Variants in POLA1 observed in about 807,000 individuals in gnomAD.
POLA1 encodes DNA polymerase alpha 1, catalytic subunit, also known as DNA polymerase alpha catalytic subunit.
Under a neutral mutation model 124.0 loss-of-function variants are expected in POLA1, and 15 were observed. The ratio of observed to expected loss-of-function variants is 0.12; its 90% CI spans 0.08 to 0.19. The LOEUF (loss-of-function observed/expected upper bound fraction) is 0.19. Among genes scored for constraint, POLA1 ranks in the 10% least tolerant of loss-of-function variants. The pLI, the probability that POLA1 is intolerant of heterozygous loss-of-function variation, is 1.00. For missense variants in POLA1, 886 were observed against 1,103.4 expected (o/e 0.80, Z 2.79); for synonymous variants, 408 against 389.4 (o/e 1.05, Z -0.56).
At chrX:24,965,002 G>A (rs1463502184) in intron 36 of POLA1, among the ~76,000 whole-genome samples, 1 of 111,527 alleles carries the variant, frequency 9.0e-6, no homozygotes, top group Non-Finnish European at 1.9e-5. Flanking sequence ...TAAGGACATC[G>A]GTGAATGGAC....
intron 36 of POLA1, among the ~76,000 whole-genome samples, chrX:24,955,123 GTTTGTTTTTGGTTTTTTTCTC>G (rs914684976): frequency 2.8e-5 from 3 of 106,579 alleles, no homozygotes; most frequent in Non-Finnish European, 3.9e-5. Flanking sequence ...TTTTTTGTTT[GTTTGTTTTTGGTTTTTTTCTC>G]TTTGTTTTTG....
At chrX:24,980,627 C>T (rs746498407) in intron 36 of POLA1, among the ~76,000 whole-genome samples, 1 of 109,844 alleles carries the variant, frequency 9.1e-6, no homozygotes, top group African/African-American at 3.3e-5. Context: ...CTAGTGTAAA[C>T]TAAAACATCA....
intron 26 of POLA1, among the ~76,000 whole-genome samples, chrX:24,772,417 G>A (rs1361653230): frequency 9.1e-6 from 1 of 109,929 alleles, no homozygotes; most frequent in Non-Finnish European, 1.9e-5. Context: ...AAGTTCATGA[G>A]TACATGTGCA....
intron 34 of POLA1, among the ~76,000 whole-genome samples, chrX:24,881,235 A>G (rs1230929914): frequency 8.9e-6 from 1 of 112,190 alleles, no homozygotes; most frequent in East Asian, 2.8e-4. Flanking sequence ...GCGTTTTGTA[A>G]TAACACCAGA....
chrX:24,865,158 C>T (rs2046776977), intron 34 of POLA1, among the ~76,000 whole-genome samples: 1 of 112,019 alleles, frequency 8.9e-6, no homozygotes, highest in African/African-American at 3.2e-5. Flanking sequence ...TGGCAATTTG[C>T]TTCCTAATCT....
chrX:24,937,397 T>A (rs1171352755), intron 36 of POLA1, among the ~76,000 whole-genome samples: 1 of 112,025 alleles, frequency 8.9e-6, no homozygotes, highest in Non-Finnish European at 1.9e-5. Flanking sequence ...TTATAGCTTT[T>A]CTTTTTCTTT....
intron 29 of POLA1, 103 bp downstream of exon 29, chrX:24,812,966 C>T: frequency 2.5e-6 from 1 of 407,983 alleles, no homozygotes. Context: ...AAGAACACTT[C>T]TTTGTTATTT....
chrX:24,935,813 C>T (rs1601887462), intron 36 of POLA1, among the ~76,000 whole-genome samples: 1 of 112,404 alleles, frequency 8.9e-6, no homozygotes, highest in Admixed American at 9.4e-5. Flanking sequence ...GTGTGTAACA[C>T]GAGTTCTCAC....
chrX:24,789,658 C>G (rs1330629154), intron 26 of POLA1, among the ~76,000 whole-genome samples: 1 of 111,239 alleles, frequency 9.0e-6, no homozygotes, highest in Non-Finnish European at 1.9e-5. Flanking sequence ...GAAGTAACAG[C>G]TTGTTATAAG....
intron 36 of POLA1, among the ~76,000 whole-genome samples, chrX:24,993,293 C>T (rs943545612): frequency 8.9e-6 from 1 of 111,914 alleles, no homozygotes; most frequent in East Asian, 2.8e-4. Flanking sequence ...GTGCTGGTGG[C>T]GGAGACAGCA....
chrX:24,900,524 A>C (rs766655612), intron 35 of POLA1, among the ~76,000 whole-genome samples: 22 of 112,204 alleles, frequency 2.0e-4, no homozygotes, highest in Non-Finnish European at 4.1e-4. Flanking sequence ...CAAACACTGA[A>C]ATTTTTCTTT....
At position 24,760,436 on chromosome X, in the gene POLA1, T is replaced by A. The variant is rs749576481; in HGVS notation, c.2964+11444T>A. ...TTTGAATCTGATGGTGTACAGGATG[T>A]TACCACACTGTCTCCTTATGTTAGC... On this transcript the variant is annotated intron_variant, in intron 26 of 36. Transcript: ENST00000379068. 3.5e-4 allele frequency among the ~76,000 whole-genome samples: 39 copies of A among 112,194 alleles called. No individual in the cohort carries two copies. In the South Asian group the frequency reaches 3.8e-3, roughly 11 times the overall value.
At chrX:24,801,255 G>GTAC (rs1170892030) in intron 26 of POLA1, among the ~76,000 whole-genome samples, 1 of 112,097 alleles carries the variant, frequency 8.9e-6, no homozygotes, top group Non-Finnish European at 1.9e-5. Context: ...ATTTAAATGT[G>GTAC]TACTGTGTGT....
chrX:24,870,656 C>A (rs968088081), intron 34 of POLA1, among the ~76,000 whole-genome samples: 3 of 111,558 alleles, frequency 2.7e-5, no homozygotes, highest in African/African-American at 9.8e-5. Flanking sequence ...AAACGAGGAG[C>A]CAAAGAGAAT....
intron 35 of POLA1, among the ~76,000 whole-genome samples, chrX:24,908,944 G>A (rs1424881370): frequency 6.3e-5 from 7 of 111,777 alleles, no homozygotes; most frequent in Non-Finnish European, 1.1e-4. Flanking sequence ...GTGTGAGATG[G>A]TATCTCATTG....
At position 24,717,562 on chromosome X, in the gene POLA1, A is replaced by C. The variant is rs200113214; in HGVS notation, c.909-18A>C. 1 of 1,205,910 alleles carries C rather than the reference A, an allele frequency of 8.3e-7. No homozygotes were observed. Among genetic ancestry groups the C allele is most frequent in the East Asian group, 3.0e-5 (1 of 33,750 alleles). ...TCTGTTGGATTTTGAAAGGTTTTTGAAAATGTGATTTCTGCAGAGGAAGTT... is the reference window on the plus strand; with the variant it reads ...TCTGTTGGATTTTGAAAGGTTTTTGCAAATGTGATTTCTGCAGAGGAAGTT... On this transcript the variant is annotated intron_variant, in intron 9 of 36. Coordinates refer to ENST00000379068, the MANE Select transcript of POLA1 (RefSeq NM_001330360.2).
intron 36 of POLA1, among the ~76,000 whole-genome samples, chrX:24,968,664 C>T (rs2048259778): frequency 1.0e-5 from 1 of 100,243 alleles, no homozygotes; most frequent in African/African-American, 3.8e-5. Flanking sequence ...GATTGGGCCA[C>T]TGTACTCCAG....
intron 26 of POLA1, among the ~76,000 whole-genome samples, chrX:24,761,984 C>G (rs371944155): frequency 8.9e-6 from 1 of 112,148 alleles, no homozygotes; most frequent in Non-Finnish European, 1.9e-5. Context: ...ACTGAAATGC[C>G]TGAGTATGCA....
chrX:24,932,927 A>G (rs1255445154), intron 36 of POLA1, among the ~76,000 whole-genome samples: 4 of 111,493 alleles, frequency 3.6e-5, no homozygotes, highest in Non-Finnish European at 7.5e-5. Context: ...ATAAACCAAA[A>G]CTTGGGGGCA....
Sources: gnomAD v4.1 joint callset for allele counts (sites outside exome capture counted in the v4.1 genomes callset) on GRCh38, gnomAD v4.1.1 for gene constraint, MANE v1.5 for transcripts, NCBI Gene and HGNC (gene_info 2026-07-23, HGNC 2026-07-21) for gene names.